The following KIDINS220 variants were observed in gnomAD, a reference collection of about 807,000 sequenced individuals.
KIDINS220 encodes the protein kinase D interacting substrate 220.
KIDINS220 carries 63 observed loss-of-function variants against 157.6 expected under a neutral mutation model. The ratio of observed to expected loss-of-function variants is 0.40; its 90% CI spans 0.33 to 0.49. The LOEUF (loss-of-function observed/expected upper bound fraction) is 0.49, where lower values mean the gene tolerates loss of function less well. Ranked by LOEUF, KIDINS220 falls within the 20% of genes least tolerant of loss-of-function variation. KIDINS220 has a pLI of 0.66. For missense variants in KIDINS220, 1,772 were observed against 2,171.2 expected, an observed-to-expected ratio of 0.82 and a Z score of 3.65; for synonymous variants, 732 against 783.6, an observed-to-expected ratio of 0.93 and a Z score of 1.10.
downstream of KIDINS220, chr2:8,726,802 G>A (rs151167645): frequency 1.8e-4 from 101 of 557,244 alleles, 1 homozygote; most frequent in East Asian, 6.0e-3. Flanking sequence ...TGGGCCCACT[G>A]TCACAGATGT....
chr2:8,778,770 T>C (rs1671307846), intron 19 of KIDINS220, 43 bp from the exon 20 acceptor site: 1 of 1,592,064 alleles, frequency 6.3e-7, no homozygotes, highest in South Asian at 1.1e-5. Context: ...ACCAAAATTC[T>C]GTTGTATATG....
intron 2 of KIDINS220, among the ~76,000 whole-genome samples, chr2:8,825,480 T>C (rs916501291): frequency 5.9e-5 from 9 of 151,872 alleles, no homozygotes; most frequent in Admixed American, 1.3e-4. Flanking sequence ...AGACAATAAA[T>C]TTTATGTTAT....
chr2:8,749,030 C>T (rs1440669968), intron 24 of KIDINS220, among the ~76,000 whole-genome samples: 1 of 152,200 alleles, frequency 6.6e-6, no homozygotes, highest in Non-Finnish European at 1.5e-5. Flanking sequence ...GCATTTCACA[C>T]TGCCTACCAC....
rs770356254 is a variant in KIDINS220, at chr2:8,733,581, G to T, written c.3916C>A (p.Arg1306Ser). 1 of 1,614,102 alleles carries T rather than the reference G, an allele frequency of 6.2e-7. No homozygotes were observed. ...GGCAGCTCGTTGTGGGAAGCGCGGC[G>T]AGCAGGCTCACCGTGCGGGGCTGGG... ...SGPAPHGEPA[R>S]RASHNELPHT... is the part of the protein sequence containing the mutation. Residue 1306 changes from arginine (R) to serine (S), a missense_variant, in exon 29 of 30, where the codon CGC (arginine) becomes AGC (serine). Physicochemically the swap from Arg to Ser is moderately radical, Grantham distance 110. Around this residue, in one of 3 missense-constraint regions of KIDINS220, gnomAD observed 793 missense variants for 885.5 expected, o/e 0.90. Coordinates refer to ENST00000256707, the MANE Select transcript of KIDINS220 (RefSeq NM_020738.4).
In KIDINS220 at chr2:8,729,087, A is replaced by G. The variant is rs1474757776; in HGVS notation, c.*1633T>C. 23 of 983,226 alleles carry G rather than the reference A, an allele frequency of 2.3e-5. No individual in the cohort carries two copies. The highest frequency in any genetic ancestry group is 2.7e-5 in the Non-Finnish European group (22 of 827,636). The allele number at this position is 983,226 out of a possible 1,614,324, so 60.9% of individuals were successfully genotyped here. On this transcript the variant is annotated 3_prime_UTR_variant, in exon 30 of 30. Coordinates refer to ENST00000256707, the MANE Select transcript of KIDINS220 (RefSeq NM_020738.4). Reference sequence around the variant, plus strand: ...TCTCTGAAATAATTCCTAATTATACAATTTTGCAAATAAGCACTATAAATG... The same window carrying G: ...TCTCTGAAATAATTCCTAATTATACGATTTTGCAAATAAGCACTATAAATG...
chr2:8,776,962 G>T, intron 20 of KIDINS220, 70 bp from the exon 21 acceptor site: 2 of 1,464,396 alleles, frequency 1.4e-6, no homozygotes, highest in South Asian at 2.7e-5. Context: ...TTTTTGAGAT[G>T]TTAATAAATG....
chr2:8,754,337 G>A (rs1329289199), intron 22 of KIDINS220, among the ~76,000 whole-genome samples: 1 of 152,174 alleles, frequency 6.6e-6, no homozygotes, highest in Admixed American at 6.5e-5. Flanking sequence ...TGCTGAAAGA[G>A]ATATTTATGT....
intron 17 of KIDINS220, 88 bp from the exon 18 acceptor site, chr2:8,779,902 C>A: frequency 7.2e-7 from 1 of 1,382,758 alleles, no homozygotes; most frequent in South Asian, 1.2e-5. Context: ...AGAAAGTCAT[C>A]TAATAGGAAC....
At chr2:8,747,105 T>A in intron 26 of KIDINS220, 40 bp downstream of exon 26, 2 of 1,578,402 alleles carry the variant, frequency 1.3e-6, no homozygotes, top group Non-Finnish European at 1.7e-6. Flanking sequence ...GCAGAAGCAA[T>A]GAGATGCCAG....
chr2:8,725,584 T>G (rs1295886046), downstream of KIDINS220: 1 of 152,198 alleles, frequency 6.6e-6, no homozygotes, highest in Non-Finnish European at 1.5e-5. Context: ...AAGTCAACTG[T>G]GAGAAGTGAC....
chr2:8,772,646 CTAAGA>C lies in KIDINS220; in HGVS notation c.2849-1819_2849-1815del, dbSNP rs1367396387. On this transcript the variant is annotated intron_variant, in intron 21 of 29. Coordinates refer to ENST00000256707, the MANE Select transcript of KIDINS220 (RefSeq NM_020738.4). Reference sequence around the variant, plus strand: ...AGAAAATTCTGAACAACGAATATGTCTAAGATAATTTTTTAATCTTATCTTCCAAA... The same window carrying C: ...AGAAAATTCTGAACAACGAATATGTCTAATTTTTTAATCTTATCTTCCAAA... Among the ~76,000 whole-genome samples, 8 of 152,146 alleles carry C rather than the reference CTAAGA, an allele frequency of 5.3e-5. 1 individual carries two copies. Among genetic ancestry groups the C allele is most frequent in the African/African-American group, 1.9e-4 (8 of 41,520 alleles).
intron 4 of KIDINS220, 76 bp downstream of exon 4, chr2:8,817,542 A>G (rs1677245782): frequency 1.2e-6 from 1 of 847,868 alleles, no homozygotes; most frequent in Non-Finnish European, 1.8e-6. Flanking sequence ...TCACACATAA[A>G]AATAAAATAT....
chr2:8,832,011 T>C (rs890602909), intron 1 of KIDINS220, among the ~76,000 whole-genome samples: 11 of 152,222 alleles, frequency 7.2e-5, no homozygotes, highest in African/African-American at 1.4e-4. Context: ...CCTTACTCCA[T>C]ACCTCTTGCC....
At chr2:8,799,273 AT>A (rs57115595) in intron 9 of KIDINS220, among the ~76,000 whole-genome samples, 64,934 of 146,562 alleles carry the variant, frequency 0.44, 15,141 homozygotes, top group East Asian at 0.59. Flanking sequence ...TTCCTTTTCT[AT>A]TTTTTTTTTT....
chr2:8,799,861 T>C (rs1343503973), intron 9 of KIDINS220, among the ~76,000 whole-genome samples: 2 of 152,232 alleles, frequency 1.3e-5, no homozygotes, highest in Admixed American at 6.5e-5. Context: ...TTCACAACTG[T>C]GGGCAAGGCT....
intron 22 of KIDINS220, among the ~76,000 whole-genome samples, chr2:8,756,933 G>C (rs1307913251): frequency 6.6e-6 from 1 of 152,192 alleles, no homozygotes; most frequent in African/African-American, 2.4e-5. Context: ...CACGGAGTAC[G>C]ATGTTAGCTG....
At chr2:8,795,031 GA>G (rs1673714977) in intron 11 of KIDINS220, among the ~76,000 whole-genome samples, 1 of 152,212 alleles carries the variant, frequency 6.6e-6, no homozygotes, top group Admixed American at 6.5e-5. Context: ...AATAGGAAGA[GA>G]CTGGATAAAC....
At chr2:8,772,919 G>A (rs1423368361) in intron 21 of KIDINS220, among the ~76,000 whole-genome samples, 1 of 152,068 alleles carries the variant, frequency 6.6e-6, no homozygotes, top group Non-Finnish European at 1.5e-5. Context: ...TAACATGCCC[G>A]TGACTCAAAC....
At chr2:8,738,266 A>G (rs1053286103) in intron 26 of KIDINS220, among the ~76,000 whole-genome samples, 10 of 152,242 alleles carry the variant, frequency 6.6e-5, no homozygotes, top group Non-Finnish European at 1.0e-4. Context: ...AGAACAGGAA[A>G]GCAGAAAATG....
Sources: gnomAD v4.1 joint callset for allele counts (sites outside exome capture counted in the v4.1 genomes callset) on GRCh38, gnomAD v4.1.1 for gene constraint, gnomAD v4.1.1 regional missense constraint, MANE v1.5 for transcripts, NCBI Gene and HGNC (gene_info 2026-07-23, HGNC 2026-07-21) for gene names.